The following DOCK3 variants were observed in gnomAD, a reference collection of about 807,000 sequenced individuals.
DOCK3 encodes the protein dedicator of cytokinesis 3, also known as dedicator of cytokinesis protein 3.
DOCK3 carries 60 observed loss-of-function variants against 265.6 expected under a neutral mutation model. The observed-to-expected ratio is 0.23, with a 90% CI of 0.18 to 0.28. The LOEUF (loss-of-function observed/expected upper bound fraction) is 0.28, where lower values mean the gene tolerates loss of function less well. DOCK3 is among the 10% of genes least tolerant of loss of function. The probability of loss-of-function intolerance (pLI) is 1.00; values close to 1 mark genes in which losing one functional copy is unlikely to be tolerated. For synonymous variants in DOCK3, 881 were observed against 938.0 expected, an observed-to-expected ratio of 0.94 and a Z score of 1.11; for missense variants, 1,981 against 2,594.3, an observed-to-expected ratio of 0.76 and a Z score of 5.14.
chr3:51,112,779 T>A (rs1164787597), intron 9 of DOCK3, among the ~76,000 whole-genome samples: 1 of 152,098 alleles, frequency 6.6e-6, no homozygotes, highest in Non-Finnish European at 1.5e-5. Flanking sequence ...GCACATACAA[T>A]TAAAGTTTTT....
At chr3:51,233,162 T>A (rs1177373243) in intron 19 of DOCK3, among the ~76,000 whole-genome samples, 5 of 152,178 alleles carry the variant, frequency 3.3e-5, no homozygotes, top group Admixed American at 1.3e-4. Flanking sequence ...CTGGGAAAAA[T>A]TATGTTGGTA....
At chr3:50,730,125 G>A (rs2038101543) in intron 1 of DOCK3, among the ~76,000 whole-genome samples, 2 of 152,032 alleles carry the variant, frequency 1.3e-5, no homozygotes, top group South Asian at 4.2e-4. Context: ...TACTAACTTT[G>A]CACTAACGCT....
At chr3:51,082,632 T>C (rs2082281477) in intron 7 of DOCK3, among the ~76,000 whole-genome samples, 1 of 152,206 alleles carries the variant, frequency 6.6e-6, no homozygotes, top group Non-Finnish European at 1.5e-5. Context: ...GGTTCACCTG[T>C]GTGCATTGTC....
chr3:50,809,783 A>T (rs1462319421), intron 2 of DOCK3, among the ~76,000 whole-genome samples: 1 of 152,216 alleles, frequency 6.6e-6, no homozygotes, highest in Non-Finnish European at 1.5e-5. Context: ...AAAAGAAGCC[A>T]GATATGAGAA....
chr3:51,089,646 TG>T (rs1310232393), intron 8 of DOCK3, among the ~76,000 whole-genome samples: 1 of 152,114 alleles, frequency 6.6e-6, no homozygotes, highest in African/African-American at 2.4e-5. Flanking sequence ...TGGTGGCTCA[TG>T]CCTGTAATCC....
chr3:51,236,313 A>G (rs772447051), intron 19 of DOCK3, 32 bp from the exon 20 acceptor site: 9 of 1,550,882 alleles, frequency 5.8e-6, no homozygotes, highest in South Asian at 3.3e-5. Flanking sequence ...AGGTCCTGAG[A>G]CCTGAGCCCT....
At chr3:51,080,927 A>G (rs1323731997) in intron 7 of DOCK3, among the ~76,000 whole-genome samples, 1 of 151,000 alleles carries the variant, frequency 6.6e-6, no homozygotes, top group East Asian at 1.9e-4. Context: ...TACTTTTTTG[A>G]AACCTGTTTT....
chr3:50,918,835 C>T (rs1178655321), intron 4 of DOCK3, among the ~76,000 whole-genome samples: 1 of 152,154 alleles, frequency 6.6e-6, no homozygotes, highest in Non-Finnish European at 1.5e-5. Context: ...AGTCCTTGCC[C>T]ATGCCTACGA....
intron 27 of DOCK3, among the ~76,000 whole-genome samples, chr3:51,309,230 G>C (rs1223045404): frequency 6.6e-6 from 1 of 152,180 alleles, no homozygotes; most frequent in East Asian, 1.9e-4. Context: ...GGCCAAGGCA[G>C]GCAGCTGGGA....
At chr3:51,267,597 G>T (rs1354449902) in intron 23 of DOCK3, among the ~76,000 whole-genome samples, 2 of 151,894 alleles carry the variant, frequency 1.3e-5, no homozygotes, top group Non-Finnish European at 2.9e-5. Flanking sequence ...TGTTTGCCAG[G>T]CTAGTCTCGA....
At chr3:51,164,136 T>C (rs2107560772) in intron 12 of DOCK3, among the ~76,000 whole-genome samples, 1 of 152,326 alleles carries the variant, frequency 6.6e-6, no homozygotes, top group East Asian at 1.9e-4. Context: ...ATTTTTACAA[T>C]AGCATTTAAC....
At chr3:50,850,151 C>T (rs1159960431) in intron 3 of DOCK3, among the ~76,000 whole-genome samples, 8 of 151,440 alleles carry the variant, frequency 5.3e-5, no homozygotes, top group East Asian at 2.0e-4. Context: ...GAGGCCGAGG[C>T]GGGTGGATCA....
At chr3:51,304,970 G>T (rs2082572464) in intron 27 of DOCK3, among the ~76,000 whole-genome samples, 1 of 152,164 alleles carries the variant, frequency 6.6e-6, no homozygotes, top group Admixed American at 6.5e-5. Flanking sequence ...CCTAACATAT[G>T]ATCTGTCCTA....
intron 1 of DOCK3, among the ~76,000 whole-genome samples, chr3:50,740,541 A>G (rs934335598): frequency 7.2e-5 from 11 of 152,144 alleles, no homozygotes; most frequent in African/African-American, 2.7e-4. Flanking sequence ...TGGTATGGCC[A>G]GTCTTTTTAA....
In DOCK3 at chr3:51,184,221, G is replaced by T. The variant is rs572876997; in HGVS notation, c.1037+23519G>T. On this transcript the variant is annotated intron_variant, in intron 12 of 52. Coordinates refer to ENST00000266037, the MANE Select transcript of DOCK3 (RefSeq NM_004947.5). ...AGCTACTCAGGAGGCTGAGGCAGGA[G>T]AATCGCTTGTACCTGGGAGGCAGAA... Among the ~76,000 whole-genome samples, 3 of 151,564 alleles carry T rather than the reference G, an allele frequency of 2.0e-5. No homozygotes were observed. The South Asian group carries it at 6.3e-4, about 32-fold the overall frequency.
chr3:50,940,130 A>G (rs534566458), intron 5 of DOCK3, among the ~76,000 whole-genome samples: 1 of 151,678 alleles, frequency 6.6e-6, no homozygotes, highest in Non-Finnish European at 1.5e-5. Flanking sequence ...TGAAAACTAA[A>G]ATTTAGAACA....
At chr3:50,971,260 A>G (rs1480714149) in intron 5 of DOCK3, among the ~76,000 whole-genome samples, 1 of 151,282 alleles carries the variant, frequency 6.6e-6, no homozygotes, top group Non-Finnish European at 1.5e-5. Context: ...GTTTTTTTAT[A>G]TTTTCAGAAT....
chr3:50,800,272 T>C (rs1323482549), intron 2 of DOCK3, among the ~76,000 whole-genome samples: 1 of 152,250 alleles, frequency 6.6e-6, no homozygotes, highest in African/African-American at 2.4e-5. Flanking sequence ...TTGGTATTAA[T>C]TCTTCTTTAA....
intron 2 of DOCK3, among the ~76,000 whole-genome samples, chr3:50,828,886 G>A (rs968792142): frequency 5.9e-5 from 9 of 151,632 alleles, no homozygotes; most frequent in Non-Finnish European, 2.9e-5. Flanking sequence ...GCTAATTTTT[G>A]TATTTTTAGT....
Sources: allele counts gnomAD v4.1 joint callset (sites outside exome capture counted in the v4.1 genomes callset), GRCh38; gene constraint gnomAD v4.1.1; transcripts MANE v1.5; gene names NCBI Gene and HGNC (gene_info 2026-07-23, HGNC 2026-07-21).